NELL2: variants seen among roughly 807,000 people sequenced by gnomAD.
The protein encoded by NELL2 is neural EGFL like 2, also known as protein kinase C-binding protein NELL2.
Under a neutral mutation model 109.6 loss-of-function variants are expected in NELL2, and 41 were observed. The observed-to-expected ratio is 0.37, with a 90% CI of 0.29 to 0.49. NELL2 has a LOEUF of 0.49. Ranked by LOEUF, NELL2 falls within the 20% of genes least tolerant of loss-of-function variation. The pLI is 0.98. For synonymous variants in NELL2, 355 were observed against 344.7 expected, an observed-to-expected ratio of 1.03 and a Z score of -0.33; for missense variants, 900 against 1,008.3, an observed-to-expected ratio of 0.89 and a Z score of 1.45.
chr12:44,610,652 T>TTTGG (rs1375687834), intron 14 of NELL2, among the ~76,000 whole-genome samples, 196 bp downstream of exon 14: 1 of 151,940 alleles, frequency 6.6e-6, no homozygotes, highest in African/African-American at 2.4e-5. Context: ...AGCTGAATGG[T>TTTGG]TTGGTCACTT....
intron 1 of NELL2, among the ~76,000 whole-genome samples, chr12:44,903,967 C>G (rs1374488867): frequency 6.6e-6 from 1 of 151,908 alleles, no homozygotes; most frequent in East Asian, 1.9e-4. Flanking sequence ...AGCAAACCAC[C>G]AGGGCACATG....
intron 9 of NELL2, among the ~76,000 whole-genome samples, chr12:44,746,087 T>G (rs1199295453): frequency 6.6e-6 from 1 of 152,188 alleles, no homozygotes; most frequent in African/African-American, 2.4e-5. Context: ...ATGGTACTGG[T>G]ACCAAAACAG....
At chr12:44,655,802 T>C (rs1260998219) in intron 13 of NELL2, among the ~76,000 whole-genome samples, 1 of 152,220 alleles carries the variant, frequency 6.6e-6, no homozygotes, top group Non-Finnish European at 1.5e-5. Context: ...ATAAGTAACA[T>C]TGTCATAATA....
chr12:44,665,712 G>C, intron 12 of NELL2, 103 bp from the exon 13 acceptor site: 3 of 1,258,760 alleles, frequency 2.4e-6, no homozygotes, highest in Non-Finnish European at 3.2e-6. Context: ...TAAATGAATA[G>C]CATTTCAGAA....
chr12:44,817,686 G>C (rs1009826759), intron 2 of NELL2, among the ~76,000 whole-genome samples: 2 of 152,176 alleles, frequency 1.3e-5, no homozygotes, highest in African/African-American at 4.8e-5. Context: ...GGATGGGGCT[G>C]GGGAACTGGA....
In NELL2 at chr12:44,523,379, G is replaced by A. The variant is rs766673976; in HGVS notation, c.1910C>T (p.Thr637Ile). The change falls in exon 17 of 20, where the codon ACA (threonine) becomes ATA (isoleucine). Residue 637 changes from threonine to isoleucine, a missense_variant. Around this residue, in one of 4 missense-constraint regions of NELL2, gnomAD observed 333 missense variants for 432.3 expected, o/e 0.77. Coordinates refer to ENST00000429094, the MANE Select transcript of NELL2 (RefSeq NM_001145108.2). The stretch of plus-strand genomic sequence containing the variant: ...TTTTCCATCATGGATGCAGTCCCCT[G>A]TGCAATTCTTTCCATGAGGACATCG... ...DCRCPHGKNC[T>I]GDCIHDGKVK... 3.1e-6 allele frequency: 5 copies of A among 1,614,150 alleles called. No individual in the cohort carries two copies. The highest frequency in any genetic ancestry group is 3.4e-6 in the Non-Finnish European group (4 of 1,180,004).
chr12:44,584,211 C>T (rs957787136), intron 15 of NELL2, among the ~76,000 whole-genome samples: 7 of 152,290 alleles, frequency 4.6e-5, no homozygotes, highest in Middle Eastern at 3.4e-3. Context: ...TTTAAACGTC[C>T]GCTTACCCTC....
In NELL2 at chr12:44,909,925, A is replaced by G. The variant is rs903485491; in HGVS notation, c.38+3874T>C. 2.0e-5 allele frequency among the ~76,000 whole-genome samples: 3 copies of G among 152,060 alleles called. No homozygotes were observed. The East Asian group carries it at 5.8e-4, about 29-fold the overall frequency. ...ATGGTGCTGGAATAGCTGTCCAGCT[A>G]TACGCAGAATAATGAAATTGGACCC... On this transcript the variant is annotated intron_variant, in intron 1 of 20. Transcript: ENST00000333837.
chr12:44,620,802 C>A (rs1413919574), intron 13 of NELL2, among the ~76,000 whole-genome samples: 1 of 152,116 alleles, frequency 6.6e-6, no homozygotes, highest in African/African-American at 2.4e-5. Flanking sequence ...AAACTGGGCA[C>A]TAAATAGCTC....
intron 2 of NELL2, among the ~76,000 whole-genome samples, chr12:44,822,288 A>C (rs538811707): frequency 6.6e-6 from 1 of 152,292 alleles, no homozygotes; most frequent in African/African-American, 2.4e-5. Context: ...TCTTACAAGC[A>C]ATGAGGCTGT....
intron 9 of NELL2, among the ~76,000 whole-genome samples, chr12:44,743,515 T>TAA (rs138342634): frequency 0.88 from 133,580 of 151,994 alleles, 58,790 homozygotes; most frequent in Admixed American, 0.94. Context: ...GCAAATTGGA[T>TAA]AGAGTCAAGA....
At chr12:44,574,710 T>C (rs958592872) in intron 15 of NELL2, among the ~76,000 whole-genome samples, 1 of 152,212 alleles carries the variant, frequency 6.6e-6, no homozygotes, top group Non-Finnish European at 1.5e-5. Flanking sequence ...ACCATTTGAA[T>C]TAAGAGTTGC....
chr12:44,868,731 T>C (rs1945079895), intron 2 of NELL2, among the ~76,000 whole-genome samples: 1 of 152,156 alleles, frequency 6.6e-6, no homozygotes, highest in Admixed American at 6.5e-5. Context: ...TACTAGGGCC[T>C]GGGGATGGGG....
At chr12:44,540,972 G>A (rs535135240) in intron 15 of NELL2, among the ~76,000 whole-genome samples, 18 of 151,636 alleles carry the variant, frequency 1.2e-4, no homozygotes, top group East Asian at 3.9e-4. Context: ...TTGGCCGGGC[G>A]CGGTGGCTCA....
chr12:44,594,822 T>C (rs982043283), intron 15 of NELL2, among the ~76,000 whole-genome samples: 1 of 152,228 alleles, frequency 6.6e-6, no homozygotes, highest in Non-Finnish European at 1.5e-5. Flanking sequence ...ATTGCACTTA[T>C]ACTTACATAC....
chr12:44,639,292 T>C (rs1427290307), intron 13 of NELL2, among the ~76,000 whole-genome samples: 1 of 152,106 alleles, frequency 6.6e-6, no homozygotes, highest in African/African-American at 2.4e-5. Context: ...ATGACATAAA[T>C]GGATAAGCCA....
chr12:44,762,486 T>C (rs1941167740), intron 9 of NELL2, among the ~76,000 whole-genome samples: 1 of 152,216 alleles, frequency 6.6e-6, no homozygotes, highest in Non-Finnish European at 1.5e-5. Context: ...CTTCCCTGTA[T>C]AACTTCAAAA....
chr12:44,856,350 A>G (rs1181901780), intron 2 of NELL2, among the ~76,000 whole-genome samples: 1 of 152,220 alleles, frequency 6.6e-6, no homozygotes, highest in East Asian at 1.9e-4. Flanking sequence ...AGCAGCAGAG[A>G]CAAACAATAA....
intron 1 of NELL2, among the ~76,000 whole-genome samples, chr12:44,883,461 G>C (rs1384055064): frequency 6.6e-6 from 1 of 151,966 alleles, no homozygotes; most frequent in Non-Finnish European, 1.5e-5. Context: ...GGATAATCCA[G>C]TATAGTCTCC....
Sources: gnomAD v4.1 joint callset for allele counts (sites outside exome capture counted in the v4.1 genomes callset) on GRCh38, gnomAD v4.1.1 for gene constraint, gnomAD v4.1.1 regional missense constraint, MANE v1.5 for transcripts, NCBI Gene and HGNC (gene_info 2026-07-23, HGNC 2026-07-21) for gene names.